FARS2: variants seen among roughly 807,000 people sequenced by gnomAD.
The protein encoded by FARS2 is phenylalanine--tRNA ligase, mitochondrial.
Under a neutral mutation model 46.4 loss-of-function variants are expected in FARS2, and 40 were observed. That is an observed-to-expected ratio of 0.86 (90% CI 0.67 to 1.12). The LOEUF (loss-of-function observed/expected upper bound fraction) is 1.12. Among genes scored for constraint, FARS2 ranks in the 50% most tolerant of loss-of-function variants. FARS2 has a pLI of 0.00. For missense variants in FARS2, 513 were observed against 567.9 expected, an observed-to-expected ratio of 0.90 and a Z score of 0.98; for synonymous variants, 234 against 214.9, an observed-to-expected ratio of 1.09 and a Z score of -0.78.
intron 1 of FARS2, among the ~76,000 whole-genome samples, chr6:5,305,560 C>T (rs759345826): frequency 6.6e-6 from 1 of 152,100 alleles, no homozygotes; most frequent in Non-Finnish European, 1.5e-5. Flanking sequence ...ATATAACCAC[C>T]CAAAACATTG....
chr6:5,530,115 G>A (rs1003001434), intron 4 of FARS2, among the ~76,000 whole-genome samples: 8 of 152,132 alleles, frequency 5.3e-5, no homozygotes, highest in African/African-American at 1.9e-4. Context: ...AAAAATAAAT[G>A]ATCTAGAGGA....
intron 4 of FARS2, among the ~76,000 whole-genome samples, chr6:5,528,877 T>C (rs201607102): frequency 2.0e-5 from 3 of 152,162 alleles, no homozygotes; most frequent in Admixed American, 6.5e-5. Context: ...TTTGTAGTTA[T>C]GAAATTACCA....
intron 6 of FARS2, among the ~76,000 whole-genome samples, chr6:5,760,773 T>G (rs1679314215): frequency 6.6e-6 from 1 of 152,224 alleles, no homozygotes; most frequent in African/African-American, 2.4e-5. Flanking sequence ...GCTTTTCCTC[T>G]GTACCACTTA....
In FARS2 at chr6:5,368,748, C is replaced by T. The variant is rs1187765069; in HGVS notation, c.178C>T (p.Gln60Ter). ...GGAGCTGCTGGGCAAATCCTACCCTCAGGACGACCACAGCAACCTCACCCG... is the reference window on the plus strand; with the variant it reads ...GGAGCTGCTGGGCAAATCCTACCCTTAGGACGACCACAGCAACCTCACCCG... ...VVELLGKSYPQDDHSNLTRKV... is the reference protein window; with the variant it reads ...VVELLGKSYP The change falls in exon 2 of 7, where the codon CAG becomes TAG. Residue 60 changes from glutamine (Q) to a stop codon, truncating the protein, a stop_gained. Coordinates refer to ENST00000274680, the MANE Select transcript of FARS2 (RefSeq NM_006567.5). LOFTEE classifies it high-confidence loss of function. The T allele has an allele frequency of 1.2e-6, 2 of 1,614,032 alleles. No individual in the cohort carries two copies. Among genetic ancestry groups the T allele is most frequent in the African/African-American group, 1.3e-5 (1 of 74,920 alleles).
At chr6:5,554,042 T>G (rs1771515489) in intron 5 of FARS2, among the ~76,000 whole-genome samples, 1 of 152,208 alleles carries the variant, frequency 6.6e-6, no homozygotes, top group African/African-American at 2.4e-5. Context: ...CCTTTGGCAC[T>G]CAATCTTGAA....
At chr6:5,600,569 G>A (rs868496844) in intron 5 of FARS2, among the ~76,000 whole-genome samples, 62 of 141,354 alleles carry the variant, frequency 4.4e-4, no homozygotes, top group Admixed American at 6.3e-4. Flanking sequence ...TGAATAGATG[G>A]AATTAAAAGT....
At chr6:5,754,683 C>G (rs1762119056) in intron 6 of FARS2, among the ~76,000 whole-genome samples, 1 of 152,240 alleles carries the variant, frequency 6.6e-6, no homozygotes. Flanking sequence ...AAAATAACAG[C>G]TTAGCTGGGT....
intron 4 of FARS2, among the ~76,000 whole-genome samples, chr6:5,514,089 CATAT>C (rs57189455): frequency 0.13 from 19,192 of 147,038 alleles, 1,322 homozygotes; most frequent in African/African-American, 0.17. Flanking sequence ...AAAATCTGGA[CATAT>C]ATATATATAT....
At chr6:5,523,717 C>T (rs1769290803) in intron 4 of FARS2, among the ~76,000 whole-genome samples, 1 of 152,202 alleles carries the variant, frequency 6.6e-6, no homozygotes, top group Admixed American at 6.5e-5. Context: ...TTACCTAGCA[C>T]ACTTTCTGTG....
At chr6:5,751,760 A>G (rs547131059) in intron 6 of FARS2, among the ~76,000 whole-genome samples, 3 of 152,342 alleles carry the variant, frequency 2.0e-5, no homozygotes, top group Admixed American at 6.5e-5. Flanking sequence ...CCAAGCACTG[A>G]CATTCCTCCT....
chr6:5,656,554 T>A (rs1777613700), intron 6 of FARS2, among the ~76,000 whole-genome samples: 1 of 63,824 alleles, frequency 1.6e-5, no homozygotes, highest in Non-Finnish European at 3.1e-5. Flanking sequence ...AACCTTGTTC[T>A]TTGTTTTTTT....
chr6:5,664,258 G>A (rs1339626983), intron 6 of FARS2, among the ~76,000 whole-genome samples: 3 of 152,186 alleles, frequency 2.0e-5, no homozygotes, highest in Non-Finnish European at 4.4e-5. Flanking sequence ...GGAGAGAAAG[G>A]GCTTGGAAGT....
At chr6:5,698,623 C>G (rs1452953080) in intron 6 of FARS2, among the ~76,000 whole-genome samples, 1 of 152,168 alleles carries the variant, frequency 6.6e-6, no homozygotes, top group Non-Finnish European at 1.5e-5. Flanking sequence ...AGCAATGTCC[C>G]CCATATAAAT....
intron 6 of FARS2, among the ~76,000 whole-genome samples, chr6:5,621,423 G>A (rs1307635687): frequency 1.3e-5 from 2 of 152,106 alleles, no homozygotes; most frequent in African/African-American, 2.4e-5. Context: ...TAAATAACAT[G>A]CGAAAAGTGA....
intron 2 of FARS2, among the ~76,000 whole-genome samples, chr6:5,375,497 T>C (rs58667647): frequency 0.034 from 5,184 of 152,090 alleles, 268 homozygotes; most frequent in African/African-American, 0.11. Flanking sequence ...AAAATTAATC[T>C]ACAAATCCAG....
rs79596623 is a variant in FARS2, at chr6:5,769,810, G to C, written c.1218-1481G>C. Among the ~76,000 whole-genome samples, 84 of 152,342 alleles carry C rather than the reference G, an allele frequency of 5.5e-4. 1 individual carries two copies. The highest frequency in any genetic ancestry group is 2.0e-3 in the African/African-American group (82 of 41,566). On this transcript the variant is annotated intron_variant, in intron 6 of 6. Coordinates refer to ENST00000274680, the MANE Select transcript of FARS2 (RefSeq NM_006567.5). Reference sequence around the variant, plus strand: ...CAGTGGTAACTTCCTCCTGTGGCTTGATCCAAACGGGGGCTGCATATGTGG... The same window carrying C: ...CAGTGGTAACTTCCTCCTGTGGCTTCATCCAAACGGGGGCTGCATATGTGG...
At chr6:5,749,367 G>T (rs1254231627) in intron 6 of FARS2, among the ~76,000 whole-genome samples, 1 of 152,252 alleles carries the variant, frequency 6.6e-6, no homozygotes, top group Non-Finnish European at 1.5e-5. Flanking sequence ...ACCAGCTGTG[G>T]TGGGGATTGG....
In FARS2 at chr6:5,296,772, G is replaced by T. The variant is rs370562240; in HGVS notation, c.-22+35112G>T. Among the ~76,000 whole-genome samples the T allele has an allele frequency of 5.3e-5, 8 of 152,236 alleles. No homozygotes were observed. In the South Asian group the frequency reaches 1.2e-3, roughly 24 times the overall value. On this transcript the variant is annotated intron_variant, in intron 1 of 6. Coordinates refer to ENST00000274680, the MANE Select transcript of FARS2 (RefSeq NM_006567.5). ...CAGAATTTCCTTCCTTTTTAAGGCC[G>T]AGTAGTATTACATTGTCTGGATAGA...
chr6:5,459,958 AG>A (rs79922905), intron 4 of FARS2, among the ~76,000 whole-genome samples: 22,656 of 152,134 alleles, frequency 0.15, 2,091 homozygotes, highest in African/African-American at 0.26. Flanking sequence ...ATGAGGACTT[AG>A]CCATGTCTTC....
Sources: allele counts gnomAD v4.1 joint callset (sites outside exome capture counted in the v4.1 genomes callset), GRCh38; gene constraint gnomAD v4.1.1; transcripts MANE v1.5; gene names NCBI Gene and HGNC (gene_info 2026-07-23, HGNC 2026-07-21).